The following BCKDHB variants were observed in gnomAD, a reference collection of about 807,000 sequenced individuals.
BCKDHB encodes branched chain keto acid dehydrogenase E1 subunit beta.
Under a neutral mutation model 48.5 loss-of-function variants are expected in BCKDHB, and 41 were observed. That is an observed-to-expected ratio of 0.85 (90% CI 0.66 to 1.10). BCKDHB has a LOEUF of 1.10. Ranked by LOEUF, BCKDHB falls within the 50% of genes least tolerant of loss-of-function variation. The pLI is 0.00. For missense variants in BCKDHB, 496 were observed against 494.2 expected (o/e 1.00, Z -0.03); for synonymous variants, 201 against 174.8 (o/e 1.15, Z -1.18).
At chr6:80,301,171 AAAAT>A (rs1767561205) in intron 9 of BCKDHB, among the ~76,000 whole-genome samples, 1 of 152,146 alleles carries the variant, frequency 6.6e-6, no homozygotes, top group African/African-American at 2.4e-5. Context: ...CTAGCAGAGG[AAAAT>A]AAATAACAAA....
At chr6:80,303,728 G>A (rs919906267) in intron 9 of BCKDHB, among the ~76,000 whole-genome samples, 3 of 151,998 alleles carry the variant, frequency 2.0e-5, no homozygotes, top group Non-Finnish European at 4.4e-5. Context: ...GTAGGGCACA[G>A]CAAATAGACC....
intron 8 of BCKDHB, among the ~76,000 whole-genome samples, chr6:80,218,013 A>G (rs1004292758): frequency 5.3e-5 from 8 of 152,122 alleles, no homozygotes; most frequent in African/African-American, 1.9e-4. Flanking sequence ...ATGGTACTAT[A>G]TTTCTCTGAG....
intron 6 of BCKDHB, among the ~76,000 whole-genome samples, chr6:80,178,302 A>G (rs2127787531): frequency 6.6e-6 from 1 of 152,284 alleles, no homozygotes; most frequent in African/African-American, 2.4e-5. Context: ...ATTTAATCTC[A>G]TTTTAAGTTT....
Position 80,157,508 on chromosome 6 carries a change from A to C in BCKDHB, c.344-10170A>C, listed in dbSNP as rs190465031. On this transcript the variant is annotated intron_variant, in intron 3 of 9. Coordinates refer to ENST00000320393, the MANE Select transcript of BCKDHB (RefSeq NM_183050.4). ...GAGATGGAGTTTTGCTCTTGTTGCC[A>C]AGGCTGGAATGCAATGGCACGATCT... 1.9e-3 allele frequency among the ~76,000 whole-genome samples: 241 copies of C among 127,080 alleles called. 1 individual carries two copies. The highest frequency in any genetic ancestry group is 6.5e-3 in the African/African-American group (227 of 34,968). The allele number at this position is 127,080 out of a possible 152,430, so 83.4% of individuals were successfully genotyped here.
the BCKDHB span, among the ~76,000 whole-genome samples, chr6:80,391,179 G>GTGTGTGTT: frequency 7.1e-6 from 1 of 141,158 alleles, no homozygotes; most frequent in Non-Finnish European, 1.5e-5. Flanking sequence ...ATATATATAT[G>GTGTGTGTT]TGTGTGTGTG....
chr6:80,398,899 G>A, the BCKDHB span, among the ~76,000 whole-genome samples: 5 of 152,056 alleles, frequency 3.3e-5, no homozygotes, highest in Non-Finnish European at 5.9e-5. Context: ...TATCCACCAC[G>A]ATCAAGTAGG....
the BCKDHB span, among the ~76,000 whole-genome samples, chr6:80,379,550 C>T: frequency 1.3e-5 from 2 of 151,978 alleles, no homozygotes; most frequent in East Asian, 3.9e-4. Flanking sequence ...ATAAGGTTGT[C>T]CACTCTCATC....
the BCKDHB span, among the ~76,000 whole-genome samples, chr6:80,359,017 G>A: frequency 1.3e-5 from 2 of 152,102 alleles, no homozygotes; most frequent in South Asian, 2.1e-4. Flanking sequence ...TACATGAGAG[G>A]ATTTACTCTG....
At chr6:80,375,288 A>T in the BCKDHB span, among the ~76,000 whole-genome samples, 1 of 152,172 alleles carries the variant, frequency 6.6e-6, no homozygotes. Context: ...AACACCAATT[A>T]TTCTTAGGTT....
intron 9 of BCKDHB, among the ~76,000 whole-genome samples, chr6:80,316,914 A>G (rs1354187920): frequency 6.7e-6 from 1 of 148,724 alleles, no homozygotes; most frequent in Non-Finnish European, 1.5e-5. Context: ...GGCTCAAATC[A>G]GGCTTCCCAG....
At chr6:80,183,099 A>G (rs1243547750) in intron 6 of BCKDHB, among the ~76,000 whole-genome samples, 1 of 152,172 alleles carries the variant, frequency 6.6e-6, no homozygotes, top group East Asian at 1.9e-4. Context: ...GAAGAAAATT[A>G]CGCTTGTGTT....
chr6:80,188,485 A>G (rs1358960582), intron 6 of BCKDHB, among the ~76,000 whole-genome samples: 2 of 152,134 alleles, frequency 1.3e-5, no homozygotes, highest in African/African-American at 4.8e-5. Context: ...AAAAAAATAC[A>G]AAATTTAGCC....
intron 1 of BCKDHB, among the ~76,000 whole-genome samples, chr6:80,107,477 A>G (rs1769152468): frequency 7.2e-6 from 1 of 139,124 alleles, no homozygotes; most frequent in Non-Finnish European, 1.5e-5. Context: ...ATATGTGTGG[A>G]TATATATACG....
intron 8 of BCKDHB, among the ~76,000 whole-genome samples, chr6:80,235,298 T>TA (rs960374907): frequency 6.6e-6 from 1 of 152,146 alleles, no homozygotes; most frequent in African/African-American, 2.4e-5. Context: ...TATGTGTCAA[T>TA]AAAAAACAAA....
the BCKDHB span, among the ~76,000 whole-genome samples, chr6:80,456,255 A>T: frequency 4.0e-5 from 6 of 151,802 alleles, no homozygotes; most frequent in African/African-American, 1.5e-4. Flanking sequence ...GCCAACAAAA[A>T]CCCTAAAACA....
chr6:80,444,364 A>T, the BCKDHB span, among the ~76,000 whole-genome samples: 1 of 152,204 alleles, frequency 6.6e-6, no homozygotes, highest in Non-Finnish European at 1.5e-5. Context: ...AACTTTTAAG[A>T]GGCTAATGTA....
In BCKDHB at chr6:80,313,647, C is replaced by T. The variant is rs188046679; in HGVS notation, c.1039-30017C>T. ...AAGTGCTGGAATTACAGGTGTGAGCCACCACACCTGGCCTGAGCCACCGCG... is the reference window on the plus strand; with the variant it reads ...AAGTGCTGGAATTACAGGTGTGAGCTACCACACCTGGCCTGAGCCACCGCG... On this transcript the variant is annotated intron_variant, in intron 9 of 9. Coordinates refer to ENST00000320393, the MANE Select transcript of BCKDHB (RefSeq NM_183050.4). Among the ~76,000 whole-genome samples, 50 of 152,306 alleles carry T rather than the reference C, an allele frequency of 3.3e-4. No homozygotes were observed. The East Asian group carries it at 6.6e-3, about 20-fold the overall frequency.
rs532956848 is a variant in BCKDHB, at chr6:80,194,764, A to G, written c.743-6170A>G. 3.9e-5 allele frequency among the ~76,000 whole-genome samples: 6 copies of G among 152,354 alleles called. No individual in the cohort carries two copies. In the East Asian group the frequency reaches 9.6e-4, roughly 24 times the overall value. ...ATGAATATGTACCCCACTGCTAAGA[A>G]TGCCAGCTTTTAGCCTTTGTGCAGC... On this transcript the variant is annotated intron_variant, in intron 6 of 9. Coordinates refer to ENST00000320393, the MANE Select transcript of BCKDHB (RefSeq NM_183050.4).
chr6:80,196,907 AT>A (rs1480893291), intron 6 of BCKDHB, among the ~76,000 whole-genome samples: 1 of 152,266 alleles, frequency 6.6e-6, no homozygotes, highest in East Asian at 1.9e-4. Flanking sequence ...CATTTTTACA[AT>A]TTTGGCCTTG....
Sources: allele counts gnomAD v4.1 joint callset (sites outside exome capture counted in the v4.1 genomes callset), GRCh38; gene constraint gnomAD v4.1.1; transcripts MANE v1.5; gene names NCBI Gene and HGNC (gene_info 2026-07-23, HGNC 2026-07-21).